Variants in KLHL29 observed in about 807,000 individuals in gnomAD.
KLHL29 encodes kelch-like protein 29.
Under a neutral mutation model 80.4 loss-of-function variants are expected in KLHL29, and 21 were observed. That is an observed-to-expected ratio of 0.26 (90% CI 0.19 to 0.38). The LOEUF (loss-of-function observed/expected upper bound fraction) is 0.38, where lower values mean the gene tolerates loss of function less well. KLHL29 is among the 10% of genes least tolerant of loss of function. The pLI is 1.00. For missense variants in KLHL29, 867 were observed against 1,223.9 expected, an observed-to-expected ratio of 0.71 and a Z score of 4.35; for synonymous variants, 511 against 526.8, an observed-to-expected ratio of 0.97 and a Z score of 0.41.
rs544033616 is a variant in KLHL29 at position 23,579,942 on chromosome 2, G to A, written c.285+17461G>A. Among the ~76,000 whole-genome samples, 232 of 152,318 alleles carry A rather than the reference G, an allele frequency of 1.5e-3. 1 individual carries two copies. Among genetic ancestry groups the A allele is most frequent in the African/African-American group, 5.2e-3 (216 of 41,572 alleles). On this transcript the variant is annotated intron_variant, in intron 3 of 13. Transcript: ENST00000486442. ...GCGCCAGGCAGAACACAAATCAGAA[G>A]GAACTCTGGCCTTAAAGACAGGCAG...
At chr2:23,520,993 C>CTG (rs1553334446) in intron 2 of KLHL29, among the ~76,000 whole-genome samples, 1 of 103,688 alleles carries the variant, frequency 9.6e-6, no homozygotes, top group Non-Finnish European at 1.8e-5. Flanking sequence ...ACAAAGACCA[C>CTG]CCCCCCCCCC....
chr2:23,440,434 T>C (rs570535750), intron 1 of KLHL29, among the ~76,000 whole-genome samples: 1 of 151,980 alleles, frequency 6.6e-6, no homozygotes, highest in Non-Finnish European at 1.5e-5. Context: ...ACTTCATGTC[T>C]AAAACACCAA....
intron 3 of KLHL29, among the ~76,000 whole-genome samples, chr2:23,567,326 G>A (rs1355345669): frequency 6.6e-6 from 1 of 152,198 alleles, no homozygotes; most frequent in African/African-American, 2.4e-5. Context: ...GTGGTCAGGA[G>A]CACTCATGCT....
intron 2 of KLHL29, among the ~76,000 whole-genome samples, chr2:23,549,109 G>C (rs1301145559): frequency 6.6e-6 from 1 of 152,210 alleles, no homozygotes; most frequent in Non-Finnish European, 1.5e-5. Context: ...TTGGGCCCTG[G>C]AGGTCACAGG....
At chr2:23,485,594 C>T (rs928115989) in intron 2 of KLHL29, among the ~76,000 whole-genome samples, 6 of 152,328 alleles carry the variant, frequency 3.9e-5, no homozygotes, top group Middle Eastern at 6.8e-3. Context: ...TCTCAGTATG[C>T]TCAACATTGC....
At chr2:23,496,857 G>C (rs1392755320) in intron 2 of KLHL29, among the ~76,000 whole-genome samples, 1 of 152,140 alleles carries the variant, frequency 6.6e-6, no homozygotes, top group Non-Finnish European at 1.5e-5. Context: ...CACATACCTG[G>C]AAGGCCCTAA....
intron 3 of KLHL29, among the ~76,000 whole-genome samples, chr2:23,586,034 C>T (rs1046148173): frequency 1.3e-5 from 2 of 152,054 alleles, no homozygotes; most frequent in Non-Finnish European, 2.9e-5. Flanking sequence ...CTATGCAGAA[C>T]GAGAGCACAC....
intron 1 of KLHL29, among the ~76,000 whole-genome samples, chr2:23,447,999 C>T (rs568294276): frequency 6.6e-6 from 1 of 152,236 alleles, no homozygotes; most frequent in African/African-American, 2.4e-5. Context: ...AATTTCATGT[C>T]ATATGACTGT....
chr2:23,650,567 C>A (rs1223075383), intron 5 of KLHL29, among the ~76,000 whole-genome samples: 9 of 152,224 alleles, frequency 5.9e-5, no homozygotes, highest in Non-Finnish European at 1.5e-5. Context: ...GCACAAGAGT[C>A]CATCATCTCT....
In KLHL29 at chr2:23,708,016, A is replaced by G. The variant is rs1672831460; in HGVS notation, c.*1352A>G. On this transcript the variant is annotated 3_prime_UTR_variant, in exon 14 of 14. Transcript: ENST00000486442. ...GAATGCTGCCGCCACTGCGCTGTTG[A>G]GTTGAAGTTGGTACCAAATACACAT... The G allele has an allele frequency of 6.6e-6, 1 of 152,222 alleles. No individual in the cohort carries two copies. The highest frequency in any genetic ancestry group is 2.4e-5 in the African/African-American group (1 of 41,456). The allele number at this position is 152,222 out of a possible 1,614,324, so 9.4% of individuals were successfully genotyped here.
In KLHL29 at chr2:23,436,586, A is replaced by G. The variant is rs148617447; in HGVS notation, c.-153-38974A>G. Among the ~76,000 whole-genome samples, 38 of 152,080 alleles carry G rather than the reference A, an allele frequency of 2.5e-4. No homozygotes were observed. In the East Asian group the frequency reaches 6.8e-3, roughly 27 times the overall value. The stretch of plus-strand genomic sequence containing the variant: ...GATCTGCTGGGCGGCTCTTGTCGTT[A>G]GCAGTACAAAGCCACAGGTGCGCAT... On this transcript the variant is annotated intron_variant, in intron 1 of 13. Coordinates refer to ENST00000486442, the MANE Select transcript of KLHL29 (RefSeq NM_052920.2).
At chr2:23,615,576 C>G (rs555769982) in intron 3 of KLHL29, among the ~76,000 whole-genome samples, 1 of 152,240 alleles carries the variant, frequency 6.6e-6, no homozygotes, top group South Asian at 2.1e-4. Flanking sequence ...ACCTGCGAGC[C>G]GGGCCGGAGC....
intron 3 of KLHL29, among the ~76,000 whole-genome samples, chr2:23,635,469 T>C (rs1322563100): frequency 2.6e-5 from 4 of 152,214 alleles, no homozygotes; most frequent in East Asian, 1.9e-4. Flanking sequence ...CCAGCCCCCA[T>C]GGCCAGCAGG....
intron 1 of KLHL29, among the ~76,000 whole-genome samples, chr2:23,414,956 A>G (rs576445161): frequency 5.8e-4 from 88 of 152,360 alleles, no homozygotes; most frequent in Non-Finnish European, 7.8e-4. Context: ...TAGTCAGCCC[A>G]GAGTCTCCAG....
chr2:23,663,439 T>A (rs1670471950), intron 5 of KLHL29, among the ~76,000 whole-genome samples: 1 of 152,200 alleles, frequency 6.6e-6, no homozygotes, highest in Non-Finnish European at 1.5e-5. Flanking sequence ...CGCCGTCACG[T>A]GTGCCGGGGA....
intron 3 of KLHL29, chr2:23,617,990 T>C (rs921025432): frequency 6.6e-6 from 1 of 152,110 alleles, no homozygotes; most frequent in Non-Finnish European, 1.5e-5. Flanking sequence ...TGCTGAGGTG[T>C]GGAGCAGCTG....
At chr2:23,477,282 A>T (rs1664664750) in intron 2 of KLHL29, among the ~76,000 whole-genome samples, 1 of 152,252 alleles carries the variant, frequency 6.6e-6, no homozygotes, top group Non-Finnish European at 1.5e-5. Context: ...CAGACCAACA[A>T]GGCTCCTGCC....
At chr2:23,568,163 G>A (rs1250080454) in intron 3 of KLHL29, among the ~76,000 whole-genome samples, 1 of 146,432 alleles carries the variant, frequency 6.8e-6, no homozygotes, top group Non-Finnish European at 1.5e-5. Context: ...GATGTATTTT[G>A]CCACACTTGT....
At chr2:23,563,601 C>T (rs1019820996) in intron 3 of KLHL29, among the ~76,000 whole-genome samples, 1 of 152,122 alleles carries the variant, frequency 6.6e-6, no homozygotes, top group African/African-American at 2.4e-5. Flanking sequence ...CCCAGCCCGG[C>T]CATTGTGAGG....
Sources: gnomAD v4.1 joint callset for allele counts (sites outside exome capture counted in the v4.1 genomes callset) on GRCh38, gnomAD v4.1.1 for gene constraint, MANE v1.5 for transcripts, NCBI Gene and HGNC (gene_info 2026-07-23, HGNC 2026-07-21) for gene names.